GPD1L: variants seen among roughly 807,000 people sequenced by gnomAD.
GPD1L encodes the protein glycerol-3-phosphate dehydrogenase 1-like protein.
A neutral mutation model predicts 32.9 loss-of-function variants in GPD1L; 17 were observed. That is an observed-to-expected ratio of 0.52 (90% CI 0.35 to 0.78). GPD1L has a LOEUF of 0.78. Ranked by LOEUF, GPD1L falls within the 30% of genes least tolerant of loss-of-function variation. The pLI, the probability that GPD1L is intolerant of heterozygous loss-of-function variation, is 0.01. For missense variants in GPD1L, 361 were observed against 447.8 expected, an observed-to-expected ratio of 0.81 and a Z score of 1.75; for synonymous variants, 187 against 165.9, an observed-to-expected ratio of 1.13 and a Z score of -0.98.
intron 1 of GPD1L, among the ~76,000 whole-genome samples, chr3:32,110,019 G>A (rs749391682): frequency 6.6e-6 from 1 of 152,246 alleles, no homozygotes; most frequent in Non-Finnish European, 1.5e-5. Flanking sequence ...GCGGGTTCAC[G>A]CCATTCTCCT....
chr3:32,144,854 C>CACACA lies in GPD1L; in HGVS notation c.506-1768_506-1767insACACA, dbSNP rs774096008. ...ACACACACACACACACACACACACACCACCACGCCAGGCTAATTTTTGAAT... is the reference window on the plus strand; with the variant it reads ...ACACACACACACACACACACACACACACACACACCACGCCAGGCTAATTTTTGAAT... On this transcript the variant is annotated intron_variant, in intron 4 of 7. Coordinates refer to ENST00000282541, the MANE Select transcript of GPD1L (RefSeq NM_015141.4). Among the ~76,000 whole-genome samples, 418 of 147,876 alleles carry CACACA rather than the reference C, an allele frequency of 2.8e-3. 1 individual carries two copies. The highest frequency in any genetic ancestry group is 9.8e-3 in the African/African-American group (393 of 40,166).
chr3:32,139,383 G>A (rs1700707503), intron 3 of GPD1L, among the ~76,000 whole-genome samples: 2 of 152,140 alleles, frequency 1.3e-5, no homozygotes, highest in Non-Finnish European at 2.9e-5. Context: ...TGTGGTAATT[G>A]TTAGACCTGC....
At chr3:32,146,100 T>C (rs1700819938) in intron 4 of GPD1L, among the ~76,000 whole-genome samples, 1 of 110,478 alleles carries the variant, frequency 9.1e-6, no homozygotes, top group Non-Finnish European at 1.8e-5. Context: ...TTTTTTTTTT[T>C]TTTTGAGACA....
chr3:32,129,407 G>A (rs1341234101), intron 2 of GPD1L, among the ~76,000 whole-genome samples: 1 of 152,174 alleles, frequency 6.6e-6, no homozygotes, highest in Non-Finnish European at 1.5e-5. Context: ...TACAGTGTTC[G>A]TTAGTGTCAA....
chr3:32,121,739 A>G (rs1450254479), intron 1 of GPD1L, among the ~76,000 whole-genome samples: 5 of 139,136 alleles, frequency 3.6e-5, no homozygotes, highest in Non-Finnish European at 7.6e-5. Flanking sequence ...ATATATTTCT[A>G]TATATATATT....
rs550482641 is a variant in GPD1L at position 32,109,057 on chromosome 3, G to A, written c.47+2299G>A. Among the ~76,000 whole-genome samples the A allele has an allele frequency of 2.6e-5, 4 of 152,212 alleles. No homozygotes were observed. The East Asian group carries it at 7.7e-4, about 29-fold the overall frequency. On this transcript the variant is annotated intron_variant, in intron 1 of 7. Coordinates refer to ENST00000282541, the MANE Select transcript of GPD1L (RefSeq NM_015141.4). Reference sequence around the variant, plus strand: ...GTAGAGACGGGGTTTCACCATGTTAGCCAGGATGGTCTCAATCTCCTGACC... The same window carrying A: ...GTAGAGACGGGGTTTCACCATGTTAACCAGGATGGTCTCAATCTCCTGACC...
intron 5 of GPD1L, among the ~76,000 whole-genome samples, chr3:32,152,282 A>G (rs1700929917): frequency 6.6e-6 from 1 of 152,196 alleles, no homozygotes; most frequent in Non-Finnish European, 1.5e-5. Context: ...TCCAGAATGT[A>G]TATGACAATT....
At chr3:32,161,225 G>A (rs1275677148) in intron 7 of GPD1L, among the ~76,000 whole-genome samples, 1 of 152,144 alleles carries the variant, frequency 6.6e-6, no homozygotes, top group Non-Finnish European at 1.5e-5. Flanking sequence ...TGTACTGAAA[G>A]TTAAAAATGA....
chr3:32,155,121 T>C (rs536087068), intron 5 of GPD1L, among the ~76,000 whole-genome samples: 1 of 152,218 alleles, frequency 6.6e-6, no homozygotes, highest in Non-Finnish European at 1.5e-5. Flanking sequence ...AGGCAGGTCT[T>C]TTTGACCGAG....
intron 6 of GPD1L, 72 bp downstream of exon 6, chr3:32,159,181 C>A (rs536497411): frequency 2.7e-6 from 3 of 1,128,704 alleles, no homozygotes; most frequent in African/African-American, 3.1e-5. Flanking sequence ...TGAACTGCAG[C>A]CCAGTGGAGA....
chr3:32,145,438 G>A (rs75706646), intron 4 of GPD1L, among the ~76,000 whole-genome samples: 2,740 of 152,294 alleles, frequency 0.018, 38 homozygotes, highest in Non-Finnish European at 0.026. Flanking sequence ...TGGGCATTGC[G>A]TTATTTGCAG....
chr3:32,148,793 C>T (rs767222820), intron 5 of GPD1L, among the ~76,000 whole-genome samples: 4 of 152,204 alleles, frequency 2.6e-5, no homozygotes, highest in Non-Finnish European at 5.9e-5. Context: ...AGCAAGGACA[C>T]ATGGCCGTAT....
chr3:32,129,585 G>T (rs1007261938), intron 2 of GPD1L, among the ~76,000 whole-genome samples: 1 of 152,174 alleles, frequency 6.6e-6, no homozygotes, highest in African/African-American at 2.4e-5. Flanking sequence ...TGAGGGCTAC[G>T]GTTCAGATTG....
intron 5 of GPD1L, chr3:32,151,423 T>TC (rs578168713): frequency 2.4e-4 from 147 of 611,644 alleles, no homozygotes; most frequent in Non-Finnish European, 3.7e-4. Context: ...CAGTGACCAT[T>TC]CCCCTGATGT....
At chr3:32,158,541 A>T (rs1701025626) in intron 5 of GPD1L, 1 of 439,174 alleles carries the variant, frequency 2.3e-6, no homozygotes, top group Non-Finnish European at 4.2e-6. Flanking sequence ...TGCATAAAGC[A>T]TTCCATTTAA....
chr3:32,106,738 C>A lies in GPD1L; in HGVS notation c.27C>A (p.Cys9Ter), dbSNP rs756599276. Residue 9 changes from cysteine (C) to a stop codon, truncating the protein, a stop_gained, in exon 1 of 8, where the codon TGC becomes TGA. Transcript: ENST00000282541. LOFTEE classifies it high-confidence loss of function. The surrounding 1 kb of genome is among the most constrained non-coding windows in gnomAD (Gnocchi z 4.0). ...TGGCAGCGGCGCCCCTGAAAGTGTG[C>A]ATCGTGGGCTCGGGGAACTGGTGAG... MAAAPLKV[C>*]IVGSGNWGSA... 6.4e-7 allele frequency: 1 copy of A among 1,559,550 alleles called. No individual in the cohort carries two copies. Among genetic ancestry groups the A allele is most frequent in the Non-Finnish European group, 8.7e-7 (1 of 1,153,708 alleles).
At chr3:32,162,136 C>T (rs1053559688) in intron 7 of GPD1L, among the ~76,000 whole-genome samples, 1 of 152,166 alleles carries the variant, frequency 6.6e-6, no homozygotes, top group Non-Finnish European at 1.5e-5. Flanking sequence ...CTGTTCTGTG[C>T]CCCGGTGTTC....
At chr3:32,133,309 T>A (rs185145710) in intron 2 of GPD1L, among the ~76,000 whole-genome samples, 22 of 152,322 alleles carry the variant, frequency 1.4e-4, no homozygotes, top group African/African-American at 5.1e-4. Context: ...AGAACAGCCT[T>A]GGTATCTTTT....
intron 1 of GPD1L, among the ~76,000 whole-genome samples, chr3:32,112,463 T>TTAGTGA (rs1700266408): frequency 6.6e-6 from 1 of 152,096 alleles, no homozygotes; most frequent in African/African-American, 2.4e-5. Context: ...AGTGAGACCC[T>TTAGTGA]GTCTGTACAA....
Sources: gnomAD v4.1 joint callset for allele counts (sites outside exome capture counted in the v4.1 genomes callset) on GRCh38, gnomAD v4.1.1 for gene constraint, Gnocchi (gnomAD v3.1) non-coding constraint, MANE v1.5 for transcripts, NCBI Gene and HGNC (gene_info 2026-07-23, HGNC 2026-07-21) for gene names.